Variants in PCDH15 observed in about 807,000 individuals in gnomAD.
PCDH15 encodes protocadherin related 15, also known as protocadherin-15.
A neutral mutation model predicts 178.5 loss-of-function variants in PCDH15; 129 were observed. The ratio of observed to expected loss-of-function variants is 0.72; its 90% confidence interval spans 0.63 to 0.84. PCDH15 has a LOEUF of 0.84. PCDH15 is among the 40% of genes least tolerant of loss of function. The probability of loss-of-function intolerance (pLI) is 0.00; values close to 1 mark genes in which losing one functional copy is unlikely to be tolerated. For missense variants in PCDH15, 2,230 were observed against 2,099.9 expected, an observed-to-expected ratio of 1.06 and a Z score of -1.21; for synonymous variants, 800 against 732.0, an observed-to-expected ratio of 1.09 and a Z score of -1.50.
intron 26 of PCDH15, among the ~76,000 whole-genome samples, chr10:53,896,040 G>A (rs2081926840): frequency 6.6e-6 from 1 of 152,086 alleles, no homozygotes; most frequent in Non-Finnish European, 1.5e-5. Context: ...AGTGCAATAA[G>A]AAATAATTGC....
At chr10:53,885,736 T>C (rs1442473075) in intron 26 of PCDH15, among the ~76,000 whole-genome samples, 1 of 152,168 alleles carries the variant, frequency 6.6e-6, no homozygotes, top group Non-Finnish European at 1.5e-5. Flanking sequence ...AACTATCTCA[T>C]TTAACATATA....
intron 2 of PCDH15, among the ~76,000 whole-genome samples, chr10:55,104,265 C>T (rs1196316024): frequency 6.6e-6 from 1 of 151,594 alleles, no homozygotes; most frequent in African/African-American, 2.4e-5. Flanking sequence ...CTTTTTTTCT[C>T]AGTGATTTTC....
chr10:55,325,994 A>G (rs1844021131), intron 2 of PCDH15, among the ~76,000 whole-genome samples: 1 of 152,158 alleles, frequency 6.6e-6, no homozygotes, highest in Non-Finnish European at 1.5e-5. Context: ...AAAAATGCTC[A>G]GCGTCACTAA....
intron 2 of PCDH15, among the ~76,000 whole-genome samples, chr10:55,529,795 CAT>C (rs1164892244): frequency 1.1e-5 from 1 of 91,758 alleles, no homozygotes. Context: ...ACCACAAATA[CAT>C]ATATGTTTTT....
intron 2 of PCDH15, among the ~76,000 whole-genome samples, chr10:55,380,903 C>G (rs1452499370): frequency 6.6e-6 from 1 of 152,084 alleles, no homozygotes; most frequent in African/African-American, 2.4e-5. Flanking sequence ...TACAGAGACA[C>G]AGATATTTAG....
At chr10:55,591,846 T>C (rs1842848118) in intron 2 of PCDH15, among the ~76,000 whole-genome samples, 1 of 152,152 alleles carries the variant, frequency 6.6e-6, no homozygotes, top group Non-Finnish European at 1.5e-5. Context: ...TTGATTTATT[T>C]GAAGAGTCGT....
chr10:54,066,734 A>T (rs778964998), intron 18 of PCDH15, 23 bp downstream of exon 18: 3 of 1,607,978 alleles, frequency 1.9e-6, no homozygotes, highest in Non-Finnish European at 1.7e-6. Context: ...TACATATAAG[A>T]TCTATATAAA....
chr10:54,751,128 A>G (rs983145668), intron 1 of PCDH15, among the ~76,000 whole-genome samples: 1 of 152,142 alleles, frequency 6.6e-6, no homozygotes, highest in Non-Finnish European at 1.5e-5. Context: ...ACTATATTAC[A>G]ATATTTTATA....
intron 5 of PCDH15, among the ~76,000 whole-genome samples, chr10:54,363,159 A>G (rs1946310694): frequency 6.6e-6 from 1 of 152,156 alleles, no homozygotes; most frequent in Admixed American, 6.6e-5. Flanking sequence ...CTCAATGAAA[A>G]ACAAAGTGCC....
At chr10:54,299,835 C>A (rs1274948857) in intron 8 of PCDH15, among the ~76,000 whole-genome samples, 2 of 152,172 alleles carry the variant, frequency 1.3e-5, no homozygotes, top group Non-Finnish European at 2.9e-5. Flanking sequence ...AAAGTACTTA[C>A]AGAATCAGGA....
chr10:54,572,971 TA>T (rs2090018631), intron 2 of PCDH15, among the ~76,000 whole-genome samples: 1 of 152,144 alleles, frequency 6.6e-6, no homozygotes, highest in Non-Finnish European at 1.5e-5. Flanking sequence ...TTTCAAGTTT[TA>T]ATTATTCATC....
At chr10:54,574,102 T>A (rs1051704918) in intron 2 of PCDH15, among the ~76,000 whole-genome samples, 5 of 151,956 alleles carry the variant, frequency 3.3e-5, no homozygotes, top group Admixed American at 2.0e-4. Flanking sequence ...TCCTTGCCCA[T>A]GCCTATGTCC....
intron 3 of PCDH15, among the ~76,000 whole-genome samples, chr10:54,844,773 G>T (rs1005761441): frequency 2.0e-5 from 3 of 151,882 alleles, no homozygotes; most frequent in Non-Finnish European, 4.4e-5. Flanking sequence ...TATGAACTTT[G>T]GGAGAACTTT....
intron 3 of PCDH15, among the ~76,000 whole-genome samples, chr10:54,395,912 A>G (rs1202346023): frequency 1.3e-5 from 2 of 152,150 alleles, no homozygotes; most frequent in Non-Finnish European, 2.9e-5. Flanking sequence ...GTGAGGAATA[A>G]TTGAAGAAAA....
rs1317141170 is a variant in PCDH15, at chr10:55,238,928, GA to G, written c.-155-72278del. On this transcript the variant is annotated intron_variant, in intron 1 of 5. Coordinates refer to the PCDH15 transcript ENST00000458638. ...TTTTAGTTATTTTAAAATATACAAT[GA>G]ATATTGTTAACTATTTTATTCATTC... 4.6e-5 allele frequency among the ~76,000 whole-genome samples: 7 copies of G among 152,114 alleles called. No homozygotes were observed. In the East Asian group the frequency reaches 1.4e-3, roughly 29 times the overall value.
intron 5 of PCDH15, among the ~76,000 whole-genome samples, chr10:54,347,634 G>A (rs1036710300): frequency 6.6e-6 from 1 of 151,990 alleles, no homozygotes; most frequent in Admixed American, 6.6e-5. Flanking sequence ...CTCAGGTAAT[G>A]TAAATGAGTG....
Position 54,316,148 on chromosome 10 carries a change from C to T in PCDH15, c.876+1123G>A, listed in dbSNP as rs181923163. Among the ~76,000 whole-genome samples, 419 of 152,054 alleles carry T rather than the reference C, an allele frequency of 2.8e-3. 1 individual carries two copies. The highest frequency in any genetic ancestry group is 3.8e-3 in the Non-Finnish European group (261 of 67,986). ...TGCACATAACTATTTATTTTTCTCT[C>T]CAGCTGTTTTTTTTATTCATGCAAG... On this transcript the variant is annotated intron_variant, in intron 8 of 37. Transcript: ENST00000644397.
At chr10:55,270,686 T>A (rs898573666) in intron 1 of PCDH15, among the ~76,000 whole-genome samples, 2 of 152,190 alleles carry the variant, frequency 1.3e-5, no homozygotes, top group Non-Finnish European at 1.5e-5. Flanking sequence ...GCTTATACAC[T>A]GTTGGTGAGA....
chr10:55,196,247 C>A (rs1840090395), intron 1 of PCDH15, among the ~76,000 whole-genome samples: 2 of 152,170 alleles, frequency 1.3e-5, no homozygotes, highest in Non-Finnish European at 2.9e-5. Context: ...ATGTACCATT[C>A]ACACTGTAGT....
Sources: allele counts gnomAD v4.1 joint callset (sites outside exome capture counted in the v4.1 genomes callset), GRCh38; gene constraint gnomAD v4.1.1; transcripts MANE v1.5; gene names NCBI Gene and HGNC (gene_info 2026-07-23, HGNC 2026-07-21).